Variants in ATP8B1 observed in about 807,000 individuals in gnomAD.
The protein encoded by ATP8B1 is ATPase phospholipid transporting 8B1, also known as phospholipid-transporting ATPase IC.
ATP8B1 carries 80 observed loss-of-function variants against 149.9 expected under a neutral mutation model. That is an observed-to-expected ratio of 0.53 (90% confidence interval 0.45 to 0.64). The LOEUF (loss-of-function observed/expected upper bound fraction) is 0.64. Ranked by LOEUF, ATP8B1 falls within the 30% of genes least tolerant of loss-of-function variation. ATP8B1 has a pLI of 0.00. For synonymous variants in ATP8B1, 536 were observed against 562.8 expected, an observed-to-expected ratio of 0.95 and a Z score of 0.67; for missense variants, 1,247 against 1,552.6, an observed-to-expected ratio of 0.80 and a Z score of 3.31.
At position 57,759,347 on chromosome 18, in the gene ATP8B1, C is replaced by T. The variant is rs1045308862; in HGVS notation, c.-25-27515G>A. ...TGCAGTGAATTTATCAACCTCTAGGCGAGATATTTACAACTCCAGGGACCT... is the reference window on the plus strand; with the variant it reads ...TGCAGTGAATTTATCAACCTCTAGGTGAGATATTTACAACTCCAGGGACCT... On this transcript the variant is annotated intron_variant, in intron 1 of 27. Coordinates refer to ENST00000648908, the MANE Select transcript of ATP8B1 (RefSeq NM_001374385.1). 2.6e-5 allele frequency among the ~76,000 whole-genome samples: 4 copies of T among 151,968 alleles called. No individual in the cohort carries two copies. In the South Asian group the frequency reaches 6.2e-4, roughly 24 times the overall value.
At chr18:57,730,740 G>A (rs1322840439) in intron 2 of ATP8B1, among the ~76,000 whole-genome samples, 1 of 152,082 alleles carries the variant, frequency 6.6e-6, no homozygotes, top group Non-Finnish European at 1.5e-5. Context: ...TACAGAAAAA[G>A]TTTGCTGGCC....
intron 16 of ATP8B1, among the ~76,000 whole-genome samples, chr18:57,672,601 T>C (rs1215619546): frequency 6.6e-6 from 1 of 152,034 alleles, no homozygotes; most frequent in East Asian, 1.9e-4. Flanking sequence ...GCAGGGTGGC[T>C]CACGCCTGTA....
chr18:57,661,588 A>C, intron 21 of ATP8B1, 126 bp from the exon 22 acceptor site: 1 of 995,446 alleles, frequency 1.0e-6, no homozygotes, highest in Non-Finnish European at 1.5e-6. Context: ...TGACAAATAA[A>C]TTTGATTTTA....
chr18:57,660,500 T>C (rs1029969812), intron 22 of ATP8B1, among the ~76,000 whole-genome samples: 2 of 152,190 alleles, frequency 1.3e-5, no homozygotes, highest in South Asian at 2.1e-4. Context: ...ACAAAACTTA[T>C]TAAATATCAG....
At chr18:57,719,441 C>T (rs947855429) in intron 2 of ATP8B1, among the ~76,000 whole-genome samples, 1 of 152,208 alleles carries the variant, frequency 6.6e-6, no homozygotes, top group African/African-American at 2.4e-5. Context: ...GGCATTGCCT[C>T]ACCTGGGAAG....
At chr18:57,699,871 G>A (rs980313407) in intron 6 of ATP8B1, among the ~76,000 whole-genome samples, 39 of 152,124 alleles carry the variant, frequency 2.6e-4, no homozygotes, top group African/African-American at 9.4e-4. Flanking sequence ...TGTTTAGCCT[G>A]TACCATACCT....
intron 2 of ATP8B1, among the ~76,000 whole-genome samples, chr18:57,723,036 C>A (rs2079663787): frequency 6.6e-6 from 1 of 151,022 alleles, no homozygotes; most frequent in African/African-American, 2.4e-5. Context: ...AAGCCTTTGA[C>A]AAAATTCAAC....
intron 1 of ATP8B1, among the ~76,000 whole-genome samples, chr18:57,757,001 G>A (rs2080091751): frequency 8.7e-6 from 1 of 114,310 alleles, no homozygotes. Flanking sequence ...ATTCTCCCCT[G>A]ATCCAGTCTC....
At chr18:57,668,753 G>T in intron 18 of ATP8B1, 1 of 504,792 alleles carries the variant, frequency 2.0e-6, no homozygotes, top group Non-Finnish European at 3.5e-6. Flanking sequence ...CCTAAAGGAT[G>T]AACTATTTAA....
At chr18:57,757,787 G>C (rs1458688270) in intron 1 of ATP8B1, among the ~76,000 whole-genome samples, 1 of 152,140 alleles carries the variant, frequency 6.6e-6, no homozygotes, top group Non-Finnish European at 1.5e-5. Flanking sequence ...TATATCGTAA[G>C]AGTTTAAAAT....
intron 1 of ATP8B1, among the ~76,000 whole-genome samples, chr18:57,793,913 T>C (rs1408451703): frequency 1.3e-5 from 2 of 152,198 alleles, no homozygotes; most frequent in Admixed American, 1.3e-4. Context: ...GGTTCTCAAA[T>C]TGACTTTTAA....
intron 22 of ATP8B1, among the ~76,000 whole-genome samples, chr18:57,656,235 G>C (rs1909985148): frequency 1.3e-5 from 2 of 152,070 alleles, no homozygotes; most frequent in African/African-American, 4.8e-5. Flanking sequence ...ACCAACTGGG[G>C]TCTGTTTCCT....
At chr18:57,668,607 C>T (rs1264234886) in intron 18 of ATP8B1, 67 bp from the exon 19 acceptor site, 5 of 1,043,208 alleles carry the variant, frequency 4.8e-6, no homozygotes, top group Non-Finnish European at 5.5e-6. Context: ...TCTGTAATTA[C>T]AGGTTGCCAA....
In ATP8B1 at chr18:57,655,230, A is replaced by G; in HGVS notation, c.2895T>C (p.His965=). The G allele has an allele frequency of 1.9e-6, 3 of 1,614,092 alleles. No homozygotes were observed. Among genetic ancestry groups the G allele is most frequent in the Non-Finnish European group, 8.5e-7 (1 of 1,179,882 alleles). ...AGCCATTGAAGAAGGAGTACCAGAA[A>G]TGAACCAAAGTAAAGGCAAAGTTTT... ...FYKNFAFTLV[H]FWYSFFNGYS... is the part of the protein sequence containing the mutation. The change falls in exon 23 of 28, where the codon CAT becomes CAC. Residue 965 remains histidine (H), a synonymous_variant. Coordinates refer to ENST00000648908, the MANE Select transcript of ATP8B1 (RefSeq NM_001374385.1).
chr18:57,782,799 G>GTC (rs2080368859), intron 1 of ATP8B1, among the ~76,000 whole-genome samples: 1 of 78,794 alleles, frequency 1.3e-5, no homozygotes, highest in Non-Finnish European at 2.2e-5. Flanking sequence ...ATTCTAGTTT[G>GTC]TCTCTTTTTT....
chr18:57,754,267 G>A (rs1027880682), intron 1 of ATP8B1, among the ~76,000 whole-genome samples: 5 of 151,710 alleles, frequency 3.3e-5, no homozygotes, highest in Admixed American at 6.6e-5. Context: ...GTAAAACCCC[G>A]TCTCTACTAA....
chr18:57,732,967 T>A (rs1003014795), intron 1 of ATP8B1, among the ~76,000 whole-genome samples: 14 of 151,622 alleles, frequency 9.2e-5, no homozygotes, highest in African/African-American at 2.9e-4. Flanking sequence ...ACAACATTTT[T>A]AATATAACCT....
intron 1 of ATP8B1, chr18:57,732,129 G>GTATATATGTGTACATATGTATA (rs368854552): frequency 2.4e-5 from 1 of 41,450 alleles, no homozygotes; most frequent in African/African-American, 7.8e-5. Flanking sequence ...ATATATATGT[G>GTATATATGTGTACATATGTATA]TATATGTATA....
intron 26 of ATP8B1, among the ~76,000 whole-genome samples, chr18:57,651,206 A>C (rs1176003607): frequency 6.6e-6 from 1 of 152,120 alleles, no homozygotes; most frequent in African/African-American, 2.4e-5. Context: ...TCCTGGGCTC[A>C]GGTGTCCTCC....
Sources: gnomAD v4.1 joint callset for allele counts (sites outside exome capture counted in the v4.1 genomes callset) on GRCh38, gnomAD v4.1.1 for gene constraint, MANE v1.5 for transcripts, NCBI Gene and HGNC (gene_info 2026-07-23, HGNC 2026-07-21) for gene names.